SMIM19: variants seen among roughly 807,000 people sequenced by gnomAD.
SMIM19 encodes the protein small integral membrane protein 19.
In SMIM19, 6 loss-of-function variants were observed where a neutral mutation model predicts 13.2. The observed-to-expected ratio is 0.45, with a 90% CI of 0.25 to 0.90. SMIM19 has a LOEUF of 0.90. Among genes scored for constraint, SMIM19 ranks in the 40% least tolerant of loss-of-function variants. SMIM19 has a pLI of 0.19. For synonymous variants in SMIM19, 46 were observed against 43.1 expected (o/e 1.07, Z -0.27); for missense variants, 138 against 131.0 (o/e 1.05, Z -0.26).
In SMIM19 at chr8:42,542,342, T is replaced by C; in HGVS notation, c.-36T>C. The C allele has an allele frequency of 1.5e-6, 1 of 683,834 alleles. No individual in the cohort carries two copies. The allele number at this position is 683,834 out of a possible 1,614,324, so 42.4% of individuals were successfully genotyped here. ...GACTGCCCAGCACCTGTGAATTGCT[T>C]TCCTGGATGTTGGGTGAAGGCCTGT... On this transcript the variant is annotated 5_prime_UTR_variant, in exon 1 of 4. Transcript: ENST00000417410.
chr8:42,542,821 AAAAT>A (rs1205943058), intron 1 of SMIM19, among the ~76,000 whole-genome samples: 1 of 151,664 alleles, frequency 6.6e-6, no homozygotes, highest in Non-Finnish European at 1.5e-5. Context: ...TAAAAAAAAA[AAAAT>A]AAGAATTACC....
At chr8:42,545,012 G>C (rs1813428990) in intron 1 of SMIM19, among the ~76,000 whole-genome samples, 1 of 152,158 alleles carries the variant, frequency 6.6e-6, no homozygotes, top group African/African-American at 2.4e-5. Context: ...TTTTTAGACT[G>C]TTTTTCTTGG....
intron 1 of SMIM19, 29 bp from the exon 2 acceptor site, chr8:42,546,435 TAAAAG>T (rs945924299): frequency 1.0e-5 from 16 of 1,575,966 alleles, no homozygotes; most frequent in African/African-American, 1.4e-5. Context: ...CATCATTAAT[TAAAAG>T]AAACCCTGCT....
chr8:42,548,673 T>A lies in SMIM19; in HGVS notation c.152T>A (p.Met51Lys). 6.2e-7 allele frequency: 1 copy of A among 1,613,806 alleles called. No individual in the cohort carries two copies. Among genetic ancestry groups the A allele is most frequent in the South Asian group, 1.1e-5 (1 of 91,012 alleles). Residue 51 changes from methionine to lysine, a missense_variant, in exon 3 of 4, where the codon ATG becomes AAG. Coordinates refer to ENST00000417410, the MANE Select transcript of SMIM19 (RefSeq NM_001135674.2). ...MYAKRNKRRIMRIFSVPPTEE... is the reference protein window; with the variant it reads ...MYAKRNKRRIKRIFSVPPTEE... ...GTGTTTAGGAACAAAAGGAGAATTA[T>A]GAGGATATTCAGTGTGCCACCTACA...
rs530882243 is a variant in SMIM19 at position 42,546,245 on chromosome 8, CAGTT to C, written c.-4-223_-4-220del. On this transcript the variant is annotated intron_variant, in intron 1 of 3. Transcript: ENST00000417410. ...TTTTTTCCCAAATATTTTCCATTCA[CAGTT>C]GGTTGATTATGTGGATGCAGAACCG... is the stretch of plus-strand genomic sequence containing the variant. Among the ~76,000 whole-genome samples, 223 of 152,238 alleles carry C rather than the reference CAGTT, an allele frequency of 1.5e-3. 1 individual carries two copies. The highest frequency in any genetic ancestry group is 3.4e-3 in the Middle Eastern group (1 of 294).
intron 3 of SMIM19, 50 bp from the exon 4 acceptor site, chr8:42,552,494 C>T (rs1166255151): frequency 1.9e-6 from 3 of 1,558,702 alleles, no homozygotes; most frequent in Non-Finnish European, 2.6e-6. Flanking sequence ...AAGTAGTAAT[C>T]ATTTTGCAGT....
At chr8:42,548,156 A>C (rs555717033) in intron 2 of SMIM19, among the ~76,000 whole-genome samples, 5 of 152,256 alleles carry the variant, frequency 3.3e-5, no homozygotes, top group Non-Finnish European at 5.9e-5. Context: ...CCGCCTCCCC[A>C]TGTTTCTTTT....
Position 42,548,669 on chromosome 8 carries a change from A to C in SMIM19, c.148A>C (p.Ile50Leu). Residue 50 changes from isoleucine (I) to leucine (L), a missense_variant, in exon 3 of 4, where the codon ATT (isoleucine) becomes CTT (leucine). Coordinates refer to ENST00000417410, the MANE Select transcript of SMIM19 (RefSeq NM_001135674.2). ...TTTTGTGTTTAGGAACAAAAGGAGA[A>C]TTATGAGGATATTCAGTGTGCCACC... ...FMYAKRNKRRIMRIFSVPPTE... is the reference protein window; with the variant it reads ...FMYAKRNKRRLMRIFSVPPTE... 1 of 1,613,824 alleles carries C rather than the reference A, an allele frequency of 6.2e-7. No homozygotes were observed. The highest frequency in any genetic ancestry group is 8.5e-7 in the Non-Finnish European group (1 of 1,179,870).
In SMIM19 at chr8:42,553,843, G is replaced by C. The variant is rs1390348664; in HGVS notation, c.*1235G>C. 1 of 152,194 alleles carries C rather than the reference G, an allele frequency of 6.6e-6. No homozygotes were observed. The highest frequency in any genetic ancestry group is 2.4e-5 in the African/African-American group (1 of 41,438). The allele number at this position is 152,194 out of a possible 1,614,324, so 9.4% of individuals were successfully genotyped here. A position where few individuals can be genotyped will look rare whatever the true frequency, so the allele number is the denominator to read the frequency against. ...CGAAGAATACAAAAATTCGCTGGGT[G>C]TGGTGGCATGCGCCTGTAATCCCAG... On this transcript the variant is annotated 3_prime_UTR_variant, in exon 4 of 4. Transcript: ENST00000417410.
chr8:42,542,885 CAGG>C (rs1813309112), intron 1 of SMIM19, among the ~76,000 whole-genome samples: 1 of 150,802 alleles, frequency 6.6e-6, no homozygotes, highest in African/African-American at 2.4e-5. Context: ...GAGGCTGAGG[CAGG>C]AGAATCCCTC....
intron 1 of SMIM19, 31 bp from the exon 2 acceptor site, chr8:42,546,434 TTAAA>T: frequency 6.3e-7 from 1 of 1,575,252 alleles, no homozygotes; most frequent in Non-Finnish European, 8.6e-7. Flanking sequence ...CCATCATTAA[TTAAA>T]AGAAACCCTG....
At chr8:42,545,291 G>A (rs1379762991) in intron 1 of SMIM19, among the ~76,000 whole-genome samples, 1 of 152,154 alleles carries the variant, frequency 6.6e-6, no homozygotes, top group Non-Finnish European at 1.5e-5. Flanking sequence ...ACTTTCTGTG[G>A]GAATGTCCAA....
rs759834110 is a variant in SMIM19 at position 42,548,769 on chromosome 8, T to G, written c.248T>G (p.Met83Arg). Residue 83 changes from methionine (M) to arginine (R), a missense_variant, in exon 3 of 4, where the codon ATG becomes AGG. By Grantham distance (91) the Met-to-Arg change is moderately conservative. Coordinates refer to ENST00000417410, the MANE Select transcript of SMIM19 (RefSeq NM_001135674.2). ...ATTCGTTTAAGACAACAACTGGAAATGTATTCCATTTGTAAGTATATTCTG... is the reference window on the plus strand; with the variant it reads ...ATTCGTTTAAGACAACAACTGGAAAGGTATTCCATTTGTAAGTATATTCTG... ...SKIRLRQQLE[M>R]YSISRKYDYQ... 1.9e-6 allele frequency: 3 copies of G among 1,613,450 alleles called. No individual in the cohort carries two copies. Among genetic ancestry groups the G allele is most frequent in the African/African-American group, 2.7e-5 (2 of 74,916 alleles).
chr8:42,550,557 A>G (rs1364113515), intron 3 of SMIM19, among the ~76,000 whole-genome samples: 2 of 152,168 alleles, frequency 1.3e-5, no homozygotes, highest in African/African-American at 2.4e-5. Context: ...AGCCAGGAGC[A>G]TTGCATCTTT....
chr8:42,546,462 C>A lies in SMIM19; in HGVS notation c.-4-7C>A. 1 of 1,599,710 alleles carries A rather than the reference C, an allele frequency of 6.3e-7. No individual in the cohort carries two copies. The highest frequency in any genetic ancestry group is 8.5e-7 in the Non-Finnish European group (1 of 1,176,198). ...AAAGAAACCCTGCTTTCTTTTCTCTCTTACAGCCCCATGGCTGGGGGTTAT... is the reference window on the plus strand; with the variant it reads ...AAAGAAACCCTGCTTTCTTTTCTCTATTACAGCCCCATGGCTGGGGGTTAT... On this transcript the variant is annotated splice_region_variant and splice_polypyrimidine_tract_variant and intron_variant, in intron 1 of 3. Coordinates refer to ENST00000417410, the MANE Select transcript of SMIM19 (RefSeq NM_001135674.2).
chr8:42,544,291 G>C (rs1813399728), intron 1 of SMIM19, among the ~76,000 whole-genome samples: 1 of 151,944 alleles, frequency 6.6e-6, no homozygotes, highest in Non-Finnish European at 1.5e-5. Context: ...GGCTCCTATA[G>C]TCCCAGCTAG....
chr8:42,547,334 G>A (rs1462356090), intron 2 of SMIM19, among the ~76,000 whole-genome samples: 1 of 150,630 alleles, frequency 6.6e-6, no homozygotes, highest in Non-Finnish European at 1.5e-5. Context: ...TCCAGCCTGG[G>A]CGACAAAGTG....
chr8:42,554,219 A>G lies in SMIM19; in HGVS notation c.*1611A>G, dbSNP rs1191880485. The G allele has an allele frequency of 6.6e-6, 1 of 152,236 alleles. No homozygotes were observed. Among genetic ancestry groups the G allele is most frequent in the East Asian group, 1.9e-4 (1 of 5,198 alleles). The allele number at this position is 152,236 out of a possible 1,614,324, so 9.4% of individuals were successfully genotyped here. A position where few individuals can be genotyped will look rare whatever the true frequency, so the allele number is the denominator to read the frequency against. On this transcript the variant is annotated 3_prime_UTR_variant, in exon 4 of 4. Coordinates refer to ENST00000417410, the MANE Select transcript of SMIM19 (RefSeq NM_001135674.2). ...GTTTGAGCGCACTTCCTACATGTTGAATTTAAATCTGACTAAAGGATTGTA... is the reference window on the plus strand; with the variant it reads ...GTTTGAGCGCACTTCCTACATGTTGGATTTAAATCTGACTAAAGGATTGTA...
chr8:42,551,188 G>A (rs2131498494), intron 3 of SMIM19, among the ~76,000 whole-genome samples: 1 of 151,950 alleles, frequency 6.6e-6, no homozygotes, highest in South Asian at 2.1e-4. Context: ...CATGATGGCG[G>A]GCACCTGTAG....
Sources: gnomAD v4.1 joint callset for allele counts (sites outside exome capture counted in the v4.1 genomes callset) on GRCh38, gnomAD v4.1.1 for gene constraint, MANE v1.5 for transcripts, NCBI Gene and HGNC (gene_info 2026-07-23, HGNC 2026-07-21) for gene names.